Variants in ASTN1 observed in about 807,000 individuals in gnomAD.
ASTN1 encodes the protein astrotactin-1.
ASTN1 carries 41 observed loss-of-function variants against 140.7 expected under a neutral mutation model. The ratio of observed to expected loss-of-function variants is 0.29; its 90% CI spans 0.23 to 0.38. ASTN1 has a LOEUF of 0.38. Among genes scored for constraint, ASTN1 ranks in the 10% least tolerant of loss-of-function variants. The pLI is 1.00. For missense variants in ASTN1, 1,479 were observed against 1,678.8 expected, an observed-to-expected ratio of 0.88 and a Z score of 2.08; for synonymous variants, 640 against 652.2, an observed-to-expected ratio of 0.98 and a Z score of 0.29.
intron 1 of ASTN1, among the ~76,000 whole-genome samples, chr1:177,162,543 A>G (rs990805600): frequency 4.6e-5 from 7 of 152,226 alleles, no homozygotes; most frequent in Non-Finnish European, 5.9e-5. Flanking sequence ...CACTGTGCAC[A>G]TTGGTTCCTA....
chr1:176,864,003 T>A lies in ASTN1; in HGVS notation c.*281A>T. 1 of 1,178,232 alleles carries A rather than the reference T, an allele frequency of 8.5e-7. No individual in the cohort carries two copies. The highest frequency in any genetic ancestry group is 1.1e-6 in the Non-Finnish European group (1 of 948,910). 73.0% of individuals were successfully genotyped at this position (1,178,232 alleles called of 1,614,324 possible). On this transcript the variant is annotated 3_prime_UTR_variant, in exon 23 of 23. Coordinates refer to ENST00000361833, the MANE Select transcript of ASTN1 (RefSeq NM_004319.3). ...GGTAAACTTCTCAGGGAAAAAAAAA[T>A]GAATGGAACAAATTAATGGCAAAGC...
At chr1:176,893,470 C>A (rs977221524) in intron 17 of ASTN1, among the ~76,000 whole-genome samples, 2 of 152,188 alleles carry the variant, frequency 1.3e-5, no homozygotes, top group African/African-American at 4.8e-5. Context: ...GCCACGAGAA[C>A]AATTTATCTT....
intron 8 of ASTN1, among the ~76,000 whole-genome samples, chr1:176,982,742 AGAGATTCTAATGTGCAGCATAGAG>A (rs1289329109): frequency 6.6e-6 from 1 of 152,212 alleles, no homozygotes; most frequent in Non-Finnish European, 1.5e-5. Context: ...ACGTACCCAA[AGAGATTCTAATGTGCAGCATAGAG>A]AGAGAACAAT....
At chr1:177,059,884 T>C (rs1199283907) in intron 2 of ASTN1, among the ~76,000 whole-genome samples, 1 of 152,228 alleles carries the variant, frequency 6.6e-6, no homozygotes, top group East Asian at 1.9e-4. Context: ...TGAAATAATC[T>C]ACACCCTCCC....
chr1:177,148,781 T>A (rs548971779), intron 1 of ASTN1, among the ~76,000 whole-genome samples: 3 of 151,884 alleles, frequency 2.0e-5, no homozygotes. Flanking sequence ...GAGATGATGA[T>A]AGAAGTTTCT....
intron 17 of ASTN1, among the ~76,000 whole-genome samples, chr1:176,890,066 CA>C (rs778270668): frequency 1.6e-4 from 25 of 152,224 alleles, no homozygotes; most frequent in Non-Finnish European, 3.2e-4. Flanking sequence ...TAAGCACCTG[CA>C]AGGGGCCATT....
At chr1:177,090,929 T>C (rs1385509831) in intron 1 of ASTN1, among the ~76,000 whole-genome samples, 1 of 145,524 alleles carries the variant, frequency 6.9e-6, no homozygotes, top group Non-Finnish European at 1.5e-5. Context: ...CCTTGTTTTC[T>C]AGATGGGTGG....
intron 6 of ASTN1, 70 bp from the exon 7 acceptor site, chr1:177,023,641 A>G (rs1431994269): frequency 7.0e-7 from 1 of 1,436,478 alleles, no homozygotes; most frequent in East Asian, 2.5e-5. Context: ...CACCGAAGAC[A>G]AGGAAATCCC....
At chr1:176,871,388 T>C (rs1668338719) in intron 21 of ASTN1, among the ~76,000 whole-genome samples, 2 of 152,152 alleles carry the variant, frequency 1.3e-5, no homozygotes. Context: ...CTGGTGCCAA[T>C]CTGTGCCTAC....
chr1:176,959,854 T>A (rs1672578957), intron 9 of ASTN1, among the ~76,000 whole-genome samples: 1 of 152,206 alleles, frequency 6.6e-6, no homozygotes, highest in South Asian at 2.1e-4. Context: ...CTTCTGACTC[T>A]GAAAGAGTCA....
intron 1 of ASTN1, among the ~76,000 whole-genome samples, chr1:177,112,824 G>C (rs916854706): frequency 2.6e-5 from 4 of 152,168 alleles, no homozygotes; most frequent in Admixed American, 2.0e-4. Flanking sequence ...CTTTTTTCAA[G>C]TCAGTCTGTT....
intron 16 of ASTN1, among the ~76,000 whole-genome samples, chr1:176,917,665 A>C (rs1473556954): frequency 1.3e-5 from 2 of 152,186 alleles, no homozygotes; most frequent in Admixed American, 6.5e-5. Context: ...CTGGGCTACC[A>C]GCAGGTGAGA....
intron 2 of ASTN1, among the ~76,000 whole-genome samples, chr1:177,035,757 G>GAC (rs1378291006): frequency 2.0e-5 from 3 of 152,160 alleles, no homozygotes; most frequent in African/African-American, 7.2e-5. Flanking sequence ...TACAGAACTA[G>GAC]ACAGTGCAGA....
At chr1:177,034,492 T>G (rs191106069) in intron 2 of ASTN1, among the ~76,000 whole-genome samples, 5 of 152,288 alleles carry the variant, frequency 3.3e-5, no homozygotes, top group East Asian at 3.9e-4. Flanking sequence ...CAGGTTCCAT[T>G]ATGGGTATGA....
chr1:176,982,733 C>G (rs907051040), intron 8 of ASTN1, among the ~76,000 whole-genome samples: 7 of 152,078 alleles, frequency 4.6e-5, no homozygotes, highest in Admixed American at 2.6e-4. Context: ...TATGTTTTAA[C>G]GTACCCAAAG....
chr1:177,031,007 G>A (rs1676410980), intron 3 of ASTN1, 55 bp from the exon 4 acceptor site: 1 of 1,558,668 alleles, frequency 6.4e-7, no homozygotes, highest in East Asian at 2.3e-5. Context: ...AAAAGAAAGG[G>A]AGAAGAAGGA....
At chr1:177,009,181 G>C (rs1279932119) in intron 8 of ASTN1, among the ~76,000 whole-genome samples, 2 of 152,168 alleles carry the variant, frequency 1.3e-5, no homozygotes, top group African/African-American at 4.8e-5. Flanking sequence ...TTTGATGACA[G>C]CTGAGAGGAG....
chr1:176,897,169 G>T (rs1445406943), intron 16 of ASTN1, among the ~76,000 whole-genome samples: 2 of 151,294 alleles, frequency 1.3e-5, no homozygotes, highest in Admixed American at 6.6e-5. Flanking sequence ...CAGCTACTCG[G>T]GAGGCTGAGG....
At chr1:177,103,950 C>G (rs1680420189) in intron 1 of ASTN1, among the ~76,000 whole-genome samples, 2 of 152,068 alleles carry the variant, frequency 1.3e-5, no homozygotes, top group Non-Finnish European at 2.9e-5. Context: ...ATCCCTAGGC[C>G]AACTCAGTAA....
Sources: gnomAD v4.1 joint callset for allele counts (sites outside exome capture counted in the v4.1 genomes callset) on GRCh38, gnomAD v4.1.1 for gene constraint, MANE v1.5 for transcripts, NCBI Gene and HGNC (gene_info 2026-07-23, HGNC 2026-07-21) for gene names.